The following LALBA variants were observed in gnomAD, a reference collection of about 807,000 sequenced individuals.
LALBA encodes the protein lactalbumin alpha.
In LALBA, 12 loss-of-function variants were observed where a neutral mutation model predicts 13.4. That is an observed-to-expected ratio of 0.89 (90% CI 0.57 to 1.45). The LOEUF (loss-of-function observed/expected upper bound fraction) is 1.45. Among genes scored for constraint, LALBA ranks in the 40% most tolerant of loss-of-function variants. LALBA has a pLI of 0.00. For synonymous variants in LALBA, 64 were observed against 61.0 expected (o/e 1.05, Z -0.23); for missense variants, 145 against 165.9 (o/e 0.87, Z 0.69).
rs1309867948 is a variant in LALBA, at chr12:48,569,948, AT to A, written c.72del (p.Lys24AsnfsTer8). 3 of 1,613,936 alleles carry A rather than the reference AT, an allele frequency of 1.9e-6. No individual in the cohort carries two copies. The highest frequency in any genetic ancestry group is 2.2e-5 in the East Asian group (1 of 44,890). ...FPAILAKQFT[K>X]CELSQLLKDI... ...TCTTTCAGCAGCTGGGACAGCTCAC[AT>A]TTTGTGAATTGCTTGGCCAGGATGG... On this transcript the variant is annotated frameshift_variant, in exon 1 of 4. Transcript: ENST00000301046. LOFTEE classifies it high-confidence loss of function.
chr12:48,569,868 C>T lies in LALBA; in HGVS notation c.133+20G>A. 6.2e-7 allele frequency: 1 copy of T among 1,612,752 alleles called. No individual in the cohort carries two copies. The highest frequency in any genetic ancestry group is 8.5e-7 in the Non-Finnish European group (1 of 1,179,030). On this transcript the variant is annotated intron_variant, in intron 1 of 3. Transcript: ENST00000301046. ...AGAAGCGTATGAGGAATGGATGAAA[C>T]ACAGAGGCAGGGAACTCACATTCAG...
chr12:48,570,508 G>A (rs1420215858), upstream of LALBA, among the ~76,000 whole-genome samples: 1 of 152,128 alleles, frequency 6.6e-6, no homozygotes, highest in Non-Finnish European at 1.5e-5. Flanking sequence ...GATCAGAGCT[G>A]GCACTTGTCC....
At chr12:48,568,365 A>C (rs906818627) in intron 3 of LALBA, 152 bp downstream of exon 3, 11 of 659,574 alleles carry the variant, frequency 1.7e-5, no homozygotes, top group African/African-American at 1.7e-4. Context: ...AGAGAGGCTT[A>C]ATAACAGAAA....
chr12:48,568,976 C>G, intron 2 of LALBA, 106 bp downstream of exon 2: 1 of 995,222 alleles, frequency 1.0e-6, no homozygotes, highest in Non-Finnish European at 1.5e-6. Flanking sequence ...TTTTATAGAG[C>G]CCAGCCAAGG....
upstream of LALBA, among the ~76,000 whole-genome samples, chr12:48,570,914 C>G (rs1938624954): frequency 6.7e-6 from 1 of 148,552 alleles, no homozygotes; most frequent in African/African-American, 2.5e-5. Context: ...GAGGTCGAGG[C>G]TGCAGTGAGC....
At chr12:48,571,011 C>T (rs1170240436), upstream of LALBA, among the ~76,000 whole-genome samples, 31 of 149,130 alleles carry the variant, frequency 2.1e-4, no homozygotes, top group East Asian at 6.0e-4. Context: ...AAGAATCTAG[C>T]TATCCTACGA....
intron 3 of LALBA, chr12:48,568,222 C>T: frequency 4.9e-6 from 3 of 618,482 alleles, no homozygotes; most frequent in Non-Finnish European, 8.7e-6. Flanking sequence ...TGCAATGTTA[C>T]CAACAGCTTG....
At chr12:48,570,157 C>T, upstream of LALBA, 2 of 912,006 alleles carry the variant, frequency 2.2e-6, no homozygotes, top group Non-Finnish European at 3.3e-6. Context: ...CATGCCAAGA[C>T]AGAAACGCTG....
At chr12:48,569,769 G>T in intron 1 of LALBA, 119 bp downstream of exon 1, 1 of 868,404 alleles carries the variant, frequency 1.2e-6, no homozygotes, top group Non-Finnish European at 1.8e-6. Context: ...GTATGCAAAT[G>T]AGCAGAAAAG....
chr12:48,571,318 T>G (rs1035697460), upstream of LALBA, among the ~76,000 whole-genome samples: 2 of 151,744 alleles, frequency 1.3e-5, no homozygotes, highest in Admixed American at 1.3e-4. Context: ...CAAGTAGCTC[T>G]TAGCTCCTTC....
upstream of LALBA, among the ~76,000 whole-genome samples, chr12:48,570,910 G>A (rs935057183): frequency 5.3e-5 from 8 of 149,934 alleles, no homozygotes; most frequent in South Asian, 2.1e-4. Context: ...ACAGGAGGTC[G>A]AGGCTGCAGT....
chr12:48,570,041 T>C lies in LALBA; in HGVS notation c.-21A>G. ...CTCATTTTGGCTACCCCCAAGAACC[T>C]GAAATGGAAGCATCACTCAGTTTCA... On this transcript the variant is annotated 5_prime_UTR_variant, in exon 1 of 4. Coordinates refer to ENST00000301046, the MANE Select transcript of LALBA (RefSeq NM_002289.3). The C allele has an allele frequency of 6.2e-7, 1 of 1,612,840 alleles. No homozygotes were observed. Among genetic ancestry groups the C allele is most frequent in the Non-Finnish European group, 8.5e-7 (1 of 1,179,536 alleles).
chr12:48,570,628 C>T (rs938921452), upstream of LALBA, among the ~76,000 whole-genome samples: 5 of 152,040 alleles, frequency 3.3e-5, no homozygotes, highest in African/African-American at 4.8e-5. Context: ...TACAACAATC[C>T]GATATAACTT....
chr12:48,568,653 G>T, intron 2 of LALBA, 61 bp from the exon 3 acceptor site: 1 of 994,958 alleles, frequency 1.0e-6, no homozygotes. Flanking sequence ...GAAAGGCACT[G>T]AGTTCCCCTA....
chr12:48,571,022 G>C (rs1391484850), upstream of LALBA, among the ~76,000 whole-genome samples: 1 of 148,102 alleles, frequency 6.8e-6, no homozygotes, highest in Non-Finnish European at 1.5e-5. Context: ...TATCCTACGA[G>C]CTATTATCAG....
At chr12:48,568,618 T>C in intron 2 of LALBA, 26 bp from the exon 3 acceptor site, 2 of 1,401,812 alleles carry the variant, frequency 1.4e-6, no homozygotes, top group Non-Finnish European at 2.0e-6. Context: ...GGGAAAGGAT[T>C]GAGACAGCTG....
At chr12:48,568,432 G>A (rs1454475076) in intron 3 of LALBA, 85 bp downstream of exon 3, 4 of 802,220 alleles carry the variant, frequency 5.0e-6, no homozygotes, top group Non-Finnish European at 8.7e-6. Flanking sequence ...AAATGACCAA[G>A]AGATAGGGTA....
chr12:48,569,031 C>A, intron 2 of LALBA, 51 bp downstream of exon 2: 2 of 1,491,696 alleles, frequency 1.3e-6, no homozygotes, highest in South Asian at 1.3e-5. Context: ...GAGATTATCC[C>A]AAGGGCAGGC....
At position 48,567,749 on chromosome 12, in the gene LALBA, G is replaced by A. The variant is rs541886382; in HGVS notation, c.*208C>T. The stretch of plus-strand genomic sequence containing the variant: ...TCTGTGCTGTAGTGAAAGTGCCATC[G>A]AAGGCACTGAGTAAGGGTCTAGAGC... On this transcript the variant is annotated 3_prime_UTR_variant, in exon 4 of 4. Transcript: ENST00000301046. 14 of 525,738 alleles carry A rather than the reference G, an allele frequency of 2.7e-5. No homozygotes were observed. The highest frequency in any genetic ancestry group is 1.6e-4 in the East Asian group (5 of 30,902). 32.6% of individuals were successfully genotyped at this position (525,738 alleles called of 1,614,324 possible). A position where few individuals can be genotyped will look rare whatever the true frequency, so the allele number is the denominator to read the frequency against.
Sources: allele counts gnomAD v4.1 joint callset (sites outside exome capture counted in the v4.1 genomes callset), GRCh38; gene constraint gnomAD v4.1.1; transcripts MANE v1.5; gene names NCBI Gene and HGNC (gene_info 2026-07-23, HGNC 2026-07-21).